The following ABCA12 variants were observed in gnomAD, a reference collection of about 807,000 sequenced individuals.
ABCA12 encodes the protein glucosylceramide transporter ABCA12.
ABCA12 carries 156 observed loss-of-function variants against 293.5 expected under a neutral mutation model. The ratio of observed to expected loss-of-function variants is 0.53; its 90% CI spans 0.47 to 0.61. ABCA12 has a LOEUF of 0.61. ABCA12 is among the 20% of genes least tolerant of loss of function. The pLI, the probability that ABCA12 is intolerant of heterozygous loss-of-function variation, is 0.00. For missense variants in ABCA12, 2,797 were observed against 3,090.2 expected (o/e 0.91, Z 2.25); for synonymous variants, 1,063 against 1,108.0 (o/e 0.96, Z 0.81).
At position 215,019,327 on chromosome 2, in the gene ABCA12, G is replaced by T. The variant is rs754278363; in HGVS notation, c.1657+9C>A. The stretch of plus-strand genomic sequence containing the variant: ...TAAGACAAGATTTAAAATGTGGATG[G>T]GGAAACACCTGGCTTTTCAGAAGCA... On this transcript the variant is annotated intron_variant, in intron 13 of 52. Transcript: ENST00000272895. 3 of 1,599,332 alleles carry T rather than the reference G, an allele frequency of 1.9e-6. No individual in the cohort carries two copies. Among genetic ancestry groups the T allele is most frequent in the Non-Finnish European group, 1.7e-6 (2 of 1,168,406 alleles).
At chr2:215,073,154 G>A (rs1228321196) in intron 2 of ABCA12, among the ~76,000 whole-genome samples, 1 of 152,104 alleles carries the variant, frequency 6.6e-6, no homozygotes, top group Non-Finnish European at 1.5e-5. Flanking sequence ...CTCATCTGGG[G>A]TGAGTAGGGT....
Position 214,997,683 on chromosome 2 carries a change from T to C in ABCA12, c.3294+12A>G, listed in dbSNP as rs1700064267. On this transcript the variant is annotated intron_variant, in intron 23 of 52. Transcript: ENST00000272895. ...AGGACTTATTCATAACAAGAAGTGA[T>C]TTTCAACATACCTCATGAAGCCGGA... 5 of 1,561,752 alleles carry C rather than the reference T, an allele frequency of 3.2e-6. No homozygotes were observed. Among genetic ancestry groups the C allele is most frequent in the African/African-American group, 1.4e-5 (1 of 73,840 alleles).
At chr2:215,078,804 C>G (rs138141059) in intron 2 of ABCA12, among the ~76,000 whole-genome samples, 124 of 152,258 alleles carry the variant, frequency 8.1e-4, no homozygotes, top group African/African-American at 2.9e-3. Flanking sequence ...TTATTTTGGG[C>G]CATTATACCT....
intron 38 of ABCA12, among the ~76,000 whole-genome samples, chr2:214,968,060 T>A (rs545673765): frequency 6.6e-6 from 1 of 152,296 alleles, no homozygotes; most frequent in Non-Finnish European, 1.5e-5. Flanking sequence ...GCTAAACATA[T>A]ACATTTTCAT....
At chr2:215,131,055 T>C (rs1476949777) in intron 1 of ABCA12, among the ~76,000 whole-genome samples, 1 of 152,102 alleles carries the variant, frequency 6.6e-6, no homozygotes, top group Non-Finnish European at 1.5e-5. Context: ...TGTTTATTGA[T>C]TTGTGTATAT....
rs142751534 is a variant in ABCA12 at position 215,136,831 on chromosome 2, G to A, written c.69+1309C>T. ...TGCCACATCTAACTAATCATGTCAC[G>A]TCTAACTCATCATGCCACATCATGG... On this transcript the variant is annotated intron_variant, in intron 1 of 52. Coordinates refer to ENST00000272895, the MANE Select transcript of ABCA12 (RefSeq NM_173076.3). 5.7e-3 allele frequency among the ~76,000 whole-genome samples: 865 copies of A among 152,130 alleles called. 6 individuals carry two copies. Among genetic ancestry groups the A allele is most frequent in the African/African-American group, 0.02 (819 of 41,492 alleles).
chr2:214,949,898 C>T (rs538869401), intron 45 of ABCA12, among the ~76,000 whole-genome samples: 142 of 152,224 alleles, frequency 9.3e-4, no homozygotes, highest in African/African-American at 3.1e-3. Flanking sequence ...CTCCGCCAAG[C>T]GGGAAGACTC....
At chr2:215,065,400 G>C (rs930944516) in intron 2 of ABCA12, among the ~76,000 whole-genome samples, 1 of 149,678 alleles carries the variant, frequency 6.7e-6, no homozygotes, top group Non-Finnish European at 1.5e-5. Context: ...GAGAAAGAGA[G>C]AATGGTAAGA....
intron 7 of ABCA12, among the ~76,000 whole-genome samples, chr2:215,041,583 T>G (rs7600707): frequency 0.3 from 44,072 of 148,966 alleles, 7,719 homozygotes; most frequent in Middle Eastern, 0.41. Context: ...TACAGTGGAG[T>G]TGCTATGGAG....
chr2:214,991,115 A>T, intron 23 of ABCA12, 84 bp from the exon 24 acceptor site: 1 of 1,225,708 alleles, frequency 8.2e-7, no homozygotes, highest in South Asian at 1.2e-5. Flanking sequence ...TCAAAATGTC[A>T]TGATAGTCTC....
At chr2:215,099,597 G>A (rs1702312967) in intron 2 of ABCA12, among the ~76,000 whole-genome samples, 1 of 151,826 alleles carries the variant, frequency 6.6e-6, no homozygotes, top group Non-Finnish European at 1.5e-5. Context: ...GGAGGCTGAG[G>A]CAGTAGGATC....
intron 29 of ABCA12, among the ~76,000 whole-genome samples, chr2:214,982,771 A>T (rs2105967161): frequency 6.6e-6 from 1 of 152,286 alleles, no homozygotes; most frequent in African/African-American, 2.4e-5. Context: ...TAAGGAGATT[A>T]TGTTCTAGTA....
At chr2:215,121,972 T>G (rs568669256) in intron 1 of ABCA12, among the ~76,000 whole-genome samples, 1 of 152,204 alleles carries the variant, frequency 6.6e-6, no homozygotes, top group Non-Finnish European at 1.5e-5. Flanking sequence ...ATTAGCAGCA[T>G]GAGGACAGAC....
chr2:215,091,782 C>T (rs1232014463), intron 2 of ABCA12, among the ~76,000 whole-genome samples: 1 of 151,774 alleles, frequency 6.6e-6, no homozygotes, highest in East Asian at 1.9e-4. Context: ...CCAGCCATAT[C>T]TCTAGCACAC....
intron 29 of ABCA12, among the ~76,000 whole-genome samples, chr2:214,982,757 T>A (rs78938711): frequency 0.02 from 3,045 of 152,236 alleles, 110 homozygotes; most frequent in African/African-American, 0.07. Context: ...AAAATTTCTA[T>A]TCATAAGGAG....
intron 1 of ABCA12, among the ~76,000 whole-genome samples, chr2:215,132,749 G>A (rs1200807532): frequency 6.6e-6 from 1 of 151,954 alleles, no homozygotes; most frequent in Non-Finnish European, 1.5e-5. Context: ...AGTTAATGTT[G>A]ATACGTGAGA....
At chr2:215,121,076 C>T (rs919501266) in intron 1 of ABCA12, among the ~76,000 whole-genome samples, 1 of 152,126 alleles carries the variant, frequency 6.6e-6, no homozygotes, top group Non-Finnish European at 1.5e-5. Flanking sequence ...ACACAACATG[C>T]GTTATCACTT....
chr2:215,117,453 T>G (rs559725067), intron 1 of ABCA12, among the ~76,000 whole-genome samples: 1 of 152,324 alleles, frequency 6.6e-6, no homozygotes, highest in South Asian at 2.1e-4. Flanking sequence ...AAATTTTCAT[T>G]TAAAGCTAAT....
At chr2:215,082,971 T>C (rs1880133) in intron 2 of ABCA12, among the ~76,000 whole-genome samples, 142,636 of 152,280 alleles carry the variant, frequency 0.94, 67,497 homozygotes, top group East Asian at 1. Context: ...ATGATATTTG[T>C]AAGTAAACAA....
Sources: gnomAD v4.1 joint callset for allele counts (sites outside exome capture counted in the v4.1 genomes callset) on GRCh38, gnomAD v4.1.1 for gene constraint, MANE v1.5 for transcripts, NCBI Gene and HGNC (gene_info 2026-07-23, HGNC 2026-07-21) for gene names.